Variants in MREG observed in about 807,000 individuals in gnomAD.
MREG encodes melanoregulin.
A neutral mutation model predicts 28.5 loss-of-function variants in MREG; 31 were observed. The ratio of observed to expected loss-of-function variants is 1.09; its 90% confidence interval spans 0.82 to 1.47. The LOEUF is 1.47. Among genes scored for constraint, MREG ranks in the 40% most tolerant of loss-of-function variants. The pLI is 0.00. For synonymous variants in MREG, 106 were observed against 95.2 expected, an observed-to-expected ratio of 1.11 and a Z score of -0.66; for missense variants, 256 against 257.4, an observed-to-expected ratio of 0.99 and a Z score of 0.04.
At chr2:216,005,536 C>T (rs529761010) in intron 1 of MREG, among the ~76,000 whole-genome samples, 46 of 145,218 alleles carry the variant, frequency 3.2e-4, no homozygotes, top group Non-Finnish European at 3.6e-4. Flanking sequence ...ACTGCAGCCT[C>T]TGCTTCCCAG....
intron 2 of MREG, among the ~76,000 whole-genome samples, chr2:215,956,519 A>G (rs1207055011): frequency 6.6e-6 from 1 of 152,134 alleles, no homozygotes; most frequent in African/African-American, 2.4e-5. Flanking sequence ...TAAAAATTTT[A>G]TAGTACATTT....
intron 1 of MREG, among the ~76,000 whole-genome samples, chr2:216,005,787 A>G (rs371516022): frequency 7.8e-5 from 11 of 141,326 alleles, no homozygotes; most frequent in East Asian, 4.3e-4. Context: ...ATATTTGTGT[A>G]TGTTTTTTGT....
intron 1 of MREG, among the ~76,000 whole-genome samples, chr2:216,027,856 C>T (rs1418856151): frequency 1.4e-5 from 2 of 147,894 alleles, no homozygotes; most frequent in African/African-American, 2.6e-5. Flanking sequence ...AAGTCATTCA[C>T]AAGTTGCATT....
chr2:215,953,298 G>T (rs1400634683), intron 2 of MREG, among the ~76,000 whole-genome samples: 1 of 152,216 alleles, frequency 6.6e-6, no homozygotes. Flanking sequence ...ATTGGCTTAT[G>T]CCAATAAACT....
intron 1 of MREG, among the ~76,000 whole-genome samples, chr2:216,020,676 A>G (rs1694506680): frequency 6.6e-6 from 1 of 152,258 alleles, no homozygotes; most frequent in Admixed American, 6.5e-5. Flanking sequence ...GGATACTGGC[A>G]GGGCCAGAGA....
chr2:216,029,227 C>G (rs978577132), intron 1 of MREG, among the ~76,000 whole-genome samples: 2 of 152,082 alleles, frequency 1.3e-5, no homozygotes, highest in African/African-American at 4.8e-5. Flanking sequence ...CGCCTGTAAT[C>G]CCAGCACTTT....
At chr2:215,991,657 T>G (rs1693723912) in intron 2 of MREG, among the ~76,000 whole-genome samples, 1 of 150,470 alleles carries the variant, frequency 6.6e-6, no homozygotes, top group African/African-American at 2.4e-5. Flanking sequence ...CTAGCAAGAC[T>G]AATGAAGAAA....
chr2:216,004,735 T>C (rs1187143061), intron 1 of MREG, among the ~76,000 whole-genome samples: 1 of 152,166 alleles, frequency 6.6e-6, no homozygotes, highest in African/African-American at 2.4e-5. Flanking sequence ...TGTTTAAATT[T>C]ATGAAAATTG....
chr2:216,019,819 T>C (rs957581133), intron 1 of MREG, among the ~76,000 whole-genome samples: 1 of 152,162 alleles, frequency 6.6e-6, no homozygotes, highest in Non-Finnish European at 1.5e-5. Context: ...ACTATTTTTA[T>C]TGGGTGCAGT....
chr2:216,017,639 C>A (rs1478216457), upstream of MREG, among the ~76,000 whole-genome samples: 1 of 152,192 alleles, frequency 6.6e-6, no homozygotes, highest in Non-Finnish European at 1.5e-5. Context: ...AGTAGGCAGT[C>A]CCCTGCCATC....
chr2:216,032,453 A>G (rs1374892721), intron 1 of MREG, among the ~76,000 whole-genome samples: 2 of 152,236 alleles, frequency 1.3e-5, no homozygotes, highest in African/African-American at 4.8e-5. Flanking sequence ...CCCTCCGTTG[A>G]CCCAGTTGGC....
At chr2:216,026,447 C>A (rs919570414) in intron 1 of MREG, among the ~76,000 whole-genome samples, 1 of 152,070 alleles carries the variant, frequency 6.6e-6, no homozygotes, top group African/African-American at 2.4e-5. Flanking sequence ...CTCATTGCAA[C>A]CTTCCCAGGG....
chr2:215,990,592 C>T (rs1693695986), intron 2 of MREG, among the ~76,000 whole-genome samples: 1 of 152,166 alleles, frequency 6.6e-6, no homozygotes, highest in Non-Finnish European at 1.5e-5. Context: ...TTAAAAGACA[C>T]AGACTGGCAA....
chr2:215,970,319 C>G (rs141753464), intron 2 of MREG, among the ~76,000 whole-genome samples: 196 of 152,290 alleles, frequency 1.3e-3, no homozygotes, highest in African/African-American at 4.4e-3. Context: ...CAGGAACCAA[C>G]CCTTCATCTC....
At chr2:215,968,758 T>C (rs1164704970) in intron 2 of MREG, among the ~76,000 whole-genome samples, 2 of 152,172 alleles carry the variant, frequency 1.3e-5, no homozygotes, top group Non-Finnish European at 2.9e-5. Flanking sequence ...ATCTGTCTCA[T>C]TAGAACTTTT....
intron 1 of MREG, among the ~76,000 whole-genome samples, chr2:216,023,858 C>A (rs555907874): frequency 1.3e-5 from 2 of 152,196 alleles, no homozygotes; most frequent in African/African-American, 4.8e-5. Context: ...AGTAGAGACA[C>A]GGTTTCACCA....
intron 2 of MREG, among the ~76,000 whole-genome samples, chr2:215,962,765 C>G (rs1300147596): frequency 6.6e-6 from 1 of 150,532 alleles, no homozygotes; most frequent in Non-Finnish European, 1.5e-5. Flanking sequence ...CCACACGTGG[C>G]TACTGAGCAC....
At chr2:216,025,870 A>G (rs1219741885) in intron 1 of MREG, among the ~76,000 whole-genome samples, 3 of 152,222 alleles carry the variant, frequency 2.0e-5, no homozygotes, top group Non-Finnish European at 4.4e-5. Context: ...TCCTCTCAAA[A>G]TGCCAGGAAT....
chr2:215,940,724 TGGA>T (rs1390362053), downstream of MREG, among the ~76,000 whole-genome samples: 1 of 152,090 alleles, frequency 6.6e-6, no homozygotes, highest in Non-Finnish European at 1.5e-5. Flanking sequence ...CAAATTCCTG[TGGA>T]GGAGAGAAGG....
Sources: allele counts gnomAD v4.1 joint callset (sites outside exome capture counted in the v4.1 genomes callset), GRCh38; gene constraint gnomAD v4.1.1; transcripts MANE v1.5; gene names NCBI Gene and HGNC (gene_info 2026-07-23, HGNC 2026-07-21).